Variants in KCTD13 observed in about 807,000 individuals in gnomAD.
The protein encoded by KCTD13 is BTB/POZ domain-containing adapter for CUL3-mediated RhoA degradation protein 1.
Under a neutral mutation model 32.3 loss-of-function variants are expected in KCTD13, and 15 were observed. The observed-to-expected ratio is 0.46, with a 90% confidence interval of 0.31 to 0.71. The LOEUF (loss-of-function observed/expected upper bound fraction) is 0.71, where lower values mean the gene tolerates loss of function less well. Among genes scored for constraint, KCTD13 ranks in the 30% least tolerant of loss-of-function variants. KCTD13 has a pLI of 0.05. For synonymous variants in KCTD13, 189 were observed against 200.1 expected (o/e 0.94, Z 0.47); for missense variants, 337 against 452.6 (o/e 0.74, Z 2.32).
Position 29,925,931 on chromosome 16 carries a change from G to T in KCTD13, c.103C>A (p.Pro35Thr). Residue 35 changes from proline (P) to threonine (T), a missense_variant, in exon 1 of 6, where the codon CCG becomes ACG. By Grantham distance (38) the Pro-to-Thr change is conservative. This residue lies in a region of KCTD13 where 64 missense variants were observed against 59.6 expected (regional missense o/e 1.07). Transcript: ENST00000568000. ...EPGPAAYGLK[P>T]LTPNSKYVKL... ...ACGTATTTGCTGTTCGGGGTCAGCG[G>T]CTTGAGACCGTAGGCGGCGGGGCCA... The T allele has an allele frequency of 1.2e-6, 2 of 1,614,000 alleles. No homozygotes were observed. Among genetic ancestry groups the T allele is most frequent in the Non-Finnish European group, 1.7e-6 (2 of 1,179,916 alleles).
At position 29,906,588 on chromosome 16, in the gene KCTD13, T is replaced by A. The variant is rs1261029536; in HGVS notation, c.*284A>T. The A allele has an allele frequency of 1.7e-6, 1 of 589,242 alleles. No homozygotes were observed. Among genetic ancestry groups the A allele is most frequent in the African/African-American group, 1.8e-5 (1 of 54,522 alleles). The allele number at this position is 589,242 out of a possible 1,614,324, so 36.5% of individuals were successfully genotyped here. A position where few individuals can be genotyped will look rare whatever the true frequency, so the allele number is the denominator to read the frequency against. The stretch of plus-strand genomic sequence containing the variant: ...TGCACTAAAAAAAGAGAAAGGGAAT[T>A]CTAAATCCCTCTTAACCAGCTGGAG... On this transcript the variant is annotated 3_prime_UTR_variant, in exon 6 of 6. Transcript: ENST00000568000.
chr16:29,925,703 G>C, intron 1 of KCTD13, 87 bp downstream of exon 1: 11 of 1,349,436 alleles, frequency 8.2e-6, no homozygotes, highest in Non-Finnish European at 1.1e-5. Flanking sequence ...CAGAGAGAAG[G>C]GGCATGAGGA....
chr16:29,919,450 A>T (rs1156667248), intron 2 of KCTD13: 4 of 152,230 alleles, frequency 2.6e-5, no homozygotes, highest in African/African-American at 9.6e-5. Context: ...GTGCCATAGA[A>T]TACCTATAAC....
At chr16:29,922,123 A>G (rs2068924732) in intron 2 of KCTD13, 1 of 152,234 alleles carries the variant, frequency 6.6e-6, no homozygotes, top group Non-Finnish European at 1.5e-5. Context: ...AGTACATTTC[A>G]CTAAAAGTAT....
chr16:29,911,893 G>C lies in KCTD13; in HGVS notation c.505-26C>G, dbSNP rs367845684. The C allele has an allele frequency of 5.0e-6, 8 of 1,611,588 alleles. No homozygotes were observed. In the South Asian group the frequency reaches 7.7e-5, roughly 15 times the overall value. Reference sequence around the variant, plus strand: ...CTGGCGGGGGAGAGAGGATGGACGAGAGGGGTGAGGCTGCAGGGAGAGGCC... The same window carrying C: ...CTGGCGGGGGAGAGAGGATGGACGACAGGGGTGAGGCTGCAGGGAGAGGCC... On this transcript the variant is annotated intron_variant, in intron 3 of 5. Coordinates refer to ENST00000568000, the MANE Select transcript of KCTD13 (RefSeq NM_178863.5).
At chr16:29,912,686 C>T (rs756081150) in intron 2 of KCTD13, among the ~76,000 whole-genome samples, 2 of 152,164 alleles carry the variant, frequency 1.3e-5, no homozygotes, top group South Asian at 2.1e-4. Context: ...GTGATCAGCC[C>T]GCCTCAGCCT....
At chr16:29,916,420 A>G (rs960609512) in intron 2 of KCTD13, among the ~76,000 whole-genome samples, 1 of 152,172 alleles carries the variant, frequency 6.6e-6, no homozygotes, top group African/African-American at 2.4e-5. Context: ...AGCTTTTACT[A>G]ACAATCTCCT....
At chr16:29,907,145 G>A in intron 5 of KCTD13, 37 bp from the exon 6 acceptor site, 1 of 1,486,000 alleles carries the variant, frequency 6.7e-7, no homozygotes, top group Non-Finnish European at 9.3e-7. Flanking sequence ...CCTTCCTTCT[G>A]GTGCAGTCAC....
chr16:29,925,138 A>G (rs534227479), intron 1 of KCTD13, among the ~76,000 whole-genome samples: 104 of 152,238 alleles, frequency 6.8e-4, no homozygotes, highest in African/African-American at 2.4e-3. Context: ...CCAAAACTTC[A>G]AAGTCTCACT....
intron 1 of KCTD13, among the ~76,000 whole-genome samples, chr16:29,924,720 CTTTT>C (rs1214482858): frequency 2.9e-5 from 4 of 135,962 alleles, no homozygotes; most frequent in Admixed American, 7.3e-5. Flanking sequence ...GAATTCTTCC[CTTTT>C]TTTTTTTTTT....
chr16:29,907,159 G>C, intron 5 of KCTD13, 51 bp from the exon 6 acceptor site: 1 of 1,344,516 alleles, frequency 7.4e-7, no homozygotes, highest in Non-Finnish European at 1.0e-6. Context: ...CAGTCACGCA[G>C]GGCCATCCCC....
At position 29,911,809 on chromosome 16, in the gene KCTD13, G is replaced by A. The variant is rs374081647; in HGVS notation, c.557+6C>T. On this transcript the variant is annotated splice_donor_region_variant and intron_variant, in intron 4 of 5. Coordinates refer to ENST00000568000, the MANE Select transcript of KCTD13 (RefSeq NM_178863.5). ...CCCGCCCAGTGCCCCGCACCCCGGC[G>A]GTCACCTGGTGTAGGAGTACTTGTT... 28 of 1,612,332 alleles carry A rather than the reference G, an allele frequency of 1.7e-5. No individual in the cohort carries two copies. The highest frequency in any genetic ancestry group is 2.7e-5 in the African/African-American group (2 of 74,904).
chr16:29,906,594 T>C lies in KCTD13; in HGVS notation c.*278A>G, dbSNP rs1237402448. The C allele has an allele frequency of 1.6e-6, 1 of 607,806 alleles. No homozygotes were observed. 37.7% of individuals were successfully genotyped at this position (607,806 alleles called of 1,614,324 possible). On this transcript the variant is annotated 3_prime_UTR_variant, in exon 6 of 6. Transcript: ENST00000568000. ...AAAAAAAGAGAAAGGGAATTCTAAA[T>C]CCCTCTTAACCAGCTGGAGAGGGAA...
rs754709131 is a variant in KCTD13 at position 29,906,772 on chromosome 16, C to T, written c.*100G>A. ...CAATGAAGGGACAGAGGAGGACCCA[C>T]GACTTGGCCAGCAGAGCCGGGGCAA... On this transcript the variant is annotated 3_prime_UTR_variant, in exon 6 of 6. Transcript: ENST00000568000. The T allele has an allele frequency of 4.2e-5, 43 of 1,026,780 alleles. No individual in the cohort carries two copies. Among genetic ancestry groups the T allele is most frequent in the South Asian group, 2.3e-4 (16 of 68,402 alleles). The allele number at this position is 1,026,780 out of a possible 1,614,324, so 63.6% of individuals were successfully genotyped here.
chr16:29,923,414 C>G lies in KCTD13; in HGVS notation c.245-55G>C, dbSNP rs923111453. ...GATGGCTTTGCTGCGGGACCTGGAGCTACTAAATTAAAAAAAAATTTTTGT... is the reference window on the plus strand; with the variant it reads ...GATGGCTTTGCTGCGGGACCTGGAGGTACTAAATTAAAAAAAAATTTTTGT... On this transcript the variant is annotated intron_variant, in intron 1 of 5. Transcript: ENST00000568000. The G allele has an allele frequency of 2.0e-6, 3 of 1,523,532 alleles. No individual in the cohort carries two copies. In the African/African-American group the frequency reaches 4.2e-5, roughly 21 times the overall value. The allele number at this position is 1,523,532 out of a possible 1,614,324, so 94.4% of individuals were successfully genotyped here.
At chr16:29,911,577 G>T in intron 4 of KCTD13, 1 of 595,320 alleles carries the variant, frequency 1.7e-6, no homozygotes, top group East Asian at 2.8e-5. Context: ...GAGCACTTGG[G>T]ATAGGCTCGC....
chr16:29,920,623 A>G (rs2068893728), intron 2 of KCTD13: 2 of 152,208 alleles, frequency 1.3e-5, no homozygotes, highest in African/African-American at 4.8e-5. Flanking sequence ...AAACAAAAAA[A>G]CACTAGTGAG....
chr16:29,908,373 A>AT, intron 5 of KCTD13, among the ~76,000 whole-genome samples: 1 of 151,858 alleles, frequency 6.6e-6, no homozygotes, highest in Non-Finnish European at 1.5e-5. Context: ...TGTTTTTTTA[A>AT]TTTTTTATTT....
intron 5 of KCTD13, 80 bp downstream of exon 5, chr16:29,910,898 C>T (rs1276538705): frequency 1.5e-6 from 2 of 1,372,816 alleles, no homozygotes; most frequent in Admixed American, 2.1e-5. Flanking sequence ...TGGGCTCCTT[C>T]CCCTGCCAAC....
Sources: allele counts gnomAD v4.1 joint callset (sites outside exome capture counted in the v4.1 genomes callset), GRCh38; gene constraint gnomAD v4.1.1; regional missense constraint gnomAD v4.1.1; transcripts MANE v1.5; gene names NCBI Gene and HGNC (gene_info 2026-07-23, HGNC 2026-07-21).